Variants in NUP155 observed in about 807,000 individuals in gnomAD.
The protein encoded by NUP155 is nucleoporin 155.
In NUP155, 71 loss-of-function variants were observed where a neutral mutation model predicts 180.4. That is an observed-to-expected ratio of 0.39 (90% CI 0.33 to 0.48). NUP155 has a LOEUF of 0.48. NUP155 is among the 20% of genes least tolerant of loss of function. The pLI is 0.91. For synonymous variants in NUP155, 582 were observed against 559.5 expected (o/e 1.04, Z -0.57); for missense variants, 1,553 against 1,648.9 (o/e 0.94, Z 1.01).
chr5:37,314,698 G>C (rs546495791), intron 21 of NUP155, among the ~76,000 whole-genome samples: 2 of 152,104 alleles, frequency 1.3e-5, no homozygotes, highest in African/African-American at 2.4e-5. Context: ...TTAGCTGGTG[G>C]GGGGGATGGC....
chr5:37,318,220 G>T, intron 20 of NUP155, 135 bp from the exon 21 acceptor site: 1 of 674,960 alleles, frequency 1.5e-6, no homozygotes, highest in Non-Finnish European at 2.7e-6. Flanking sequence ...CACCAGAAGG[G>T]CTGATGGCCA....
intron 4 of NUP155, among the ~76,000 whole-genome samples, chr5:37,354,969 G>A (rs1746717926): frequency 6.6e-6 from 1 of 151,896 alleles, no homozygotes; most frequent in Admixed American, 6.6e-5. Context: ...GCGGGCGCCT[G>A]TAATCCCAGC....
chr5:37,299,459 A>T lies in NUP155; in HGVS notation c.3671T>A (p.Ile1224Asn). ...AACTGAACACTTACCTTTCTCTATG[A>T]TATCTTGCCAAAGTGTCTGCACCAA... The part of the protein sequence containing the change: ...PILVQTLWQD[I>N]IEKELSDSVT... The change falls in exon 31 of 35, where the codon ATC becomes AAC. Residue 1224 changes from isoleucine (I) to asparagine (N), a missense_variant. By Grantham distance (149) the Ile-to-Asn change is moderately radical (BLOSUM62 -3). Transcript: ENST00000231498. 1 of 1,614,054 alleles carries T rather than the reference A, an allele frequency of 6.2e-7. No homozygotes were observed. The highest frequency in any genetic ancestry group is 8.5e-7 in the Non-Finnish European group (1 of 1,179,992).
At chr5:37,319,446 A>G (rs565662115) in intron 20 of NUP155, among the ~76,000 whole-genome samples, 3 of 152,344 alleles carry the variant, frequency 2.0e-5, no homozygotes, top group South Asian at 2.1e-4. Context: ...TATTAACTCT[A>G]TTGTTAAAGG....
chr5:37,336,347 A>T (rs1224332334), intron 12 of NUP155, among the ~76,000 whole-genome samples: 1 of 151,874 alleles, frequency 6.6e-6, no homozygotes, highest in Non-Finnish European at 1.5e-5. Flanking sequence ...TGTACGTGGT[A>T]ATGCACACCT....
chr5:37,337,989 T>TA, intron 11 of NUP155, 71 bp from the exon 12 acceptor site: 4 of 990,698 alleles, frequency 4.0e-6, no homozygotes, highest in South Asian at 1.4e-5. Context: ...TAATAATTAT[T>TA]AGGTTAGTGC....
At position 37,292,020 on chromosome 5, in the gene NUP155, G is replaced by C. The variant is rs377281686; in HGVS notation, c.4056C>G (p.Leu1352=). 3 of 1,614,060 alleles carry C rather than the reference G, an allele frequency of 1.9e-6. No individual in the cohort carries two copies. Among genetic ancestry groups the C allele is most frequent in the Non-Finnish European group, 2.5e-6 (3 of 1,179,964 alleles). The change falls in exon 35 of 35, where the codon CTC becomes CTG. Residue 1352 remains leucine, a synonymous_variant. Transcript: ENST00000231498. ...LNCERRRFTN[L]CLDAVCGYLV... is the part of the protein sequence containing the mutation. Reference sequence around the variant, plus strand: ...GGTAACCACAAACAGCATCCAGGCAGAGATTTGTAAATCTTCTCCTACAAC... The same window carrying C: ...GGTAACCACAAACAGCATCCAGGCACAGATTTGTAAATCTTCTCCTACAAC...
intron 4 of NUP155, among the ~76,000 whole-genome samples, chr5:37,356,413 T>C (rs1180882137): frequency 6.6e-6 from 1 of 151,886 alleles, no homozygotes; most frequent in Non-Finnish European, 1.5e-5. Context: ...GAGACCGATG[T>C]GGGAGGATCA....
intron 33 of NUP155, 67 bp downstream of exon 33, chr5:37,294,262 C>T: frequency 9.2e-7 from 1 of 1,087,420 alleles, no homozygotes; most frequent in Non-Finnish European, 1.4e-6. Context: ...CAAAATACCC[C>T]ACTCTATATC....
chr5:37,293,666 T>C (rs187749304), intron 33 of NUP155, among the ~76,000 whole-genome samples: 3 of 152,372 alleles, frequency 2.0e-5, no homozygotes, highest in African/African-American at 4.8e-5. Flanking sequence ...GATGAGGTTA[T>C]AGTAAATAAA....
intron 11 of NUP155, 103 bp downstream of exon 11, chr5:37,340,987 T>G (rs539344907): frequency 1.0e-6 from 1 of 994,534 alleles, no homozygotes; most frequent in Admixed American, 2.1e-5. Flanking sequence ...TAGTTCCCAG[T>G]TTCTACTGTT....
intron 18 of NUP155, chr5:37,327,293 CTATTAGTAAT>C: frequency 3.0e-6 from 1 of 337,142 alleles, no homozygotes; most frequent in Non-Finnish European, 5.7e-6. Context: ...AGACAGTAGG[CTATTAGTAAT>C]TAAGAAAGTC....
chr5:37,294,639 C>A (rs1742423907), intron 32 of NUP155, among the ~76,000 whole-genome samples, 174 bp from the exon 33 acceptor site: 1 of 151,842 alleles, frequency 6.6e-6, no homozygotes, highest in African/African-American at 2.4e-5. Flanking sequence ...AGTGGCTATT[C>A]ATAGGAGCAA....
intron 22 of NUP155, among the ~76,000 whole-genome samples, chr5:37,313,822 TG>T (rs1227608330): frequency 3.3e-5 from 5 of 152,196 alleles, no homozygotes; most frequent in African/African-American, 1.2e-4. Context: ...TAATTTAGGT[TG>T]TTGGGCCCTT....
chr5:37,303,263 T>G lies in NUP155; in HGVS notation c.3314A>C (p.His1105Pro), dbSNP rs200202942. 1.2e-6 allele frequency: 2 copies of G among 1,614,058 alleles called. No individual in the cohort carries two copies. The highest frequency in any genetic ancestry group is 1.7e-6 in the Non-Finnish European group (2 of 1,179,928). ...CAATAAGAATATTATGCCATACCTATGCATGTCAGCCAGTCTGGACAGTAC... is the reference window on the plus strand; with the variant it reads ...CAATAAGAATATTATGCCATACCTAGGCATGTCAGCCAGTCTGGACAGTAC... ...ARVLSRLADMHSTEISLQQRL... is the reference protein window; with the variant it reads ...ARVLSRLADMPSTEISLQQRL... Residue 1105 changes from histidine (H) to proline (P), a missense_variant, in exon 28 of 35, where the codon CAT becomes CCT. His to Pro is a moderately conservative substitution (Grantham distance 77). Coordinates refer to ENST00000231498, the MANE Select transcript of NUP155 (RefSeq NM_153485.3).
chr5:37,343,555 G>A (rs1310429633), intron 9 of NUP155, among the ~76,000 whole-genome samples: 1 of 152,008 alleles, frequency 6.6e-6, no homozygotes, highest in Non-Finnish European at 1.5e-5. Context: ...TGGTTGGTGG[G>A]GAGCAGTGTT....
At chr5:37,315,776 A>G (rs895374124) in intron 21 of NUP155, among the ~76,000 whole-genome samples, 8 of 151,974 alleles carry the variant, frequency 5.3e-5, no homozygotes, top group African/African-American at 1.9e-4. Flanking sequence ...AACCCCAACT[A>G]TACTAAAAAT....
chr5:37,355,353 C>T (rs1037619600), intron 4 of NUP155, among the ~76,000 whole-genome samples: 1 of 151,418 alleles, frequency 6.6e-6, no homozygotes, highest in Non-Finnish European at 1.5e-5. Context: ...ACTAAAAATA[C>T]AAAAATTAGC....
rs1742151795 is a variant in NUP155, at chr5:37,289,668, C to T, written c.*2232G>A. On this transcript the variant is annotated 3_prime_UTR_variant, in exon 35 of 35. Coordinates refer to ENST00000231498, the MANE Select transcript of NUP155 (RefSeq NM_153485.3). ...TTTCTGACTCTAACAGACCATCTAA[C>T]CATGGAAGCCTACAGCCCTTTTAAA... The T allele has an allele frequency of 6.6e-6, 1 of 152,200 alleles. No individual in the cohort carries two copies. Among genetic ancestry groups the T allele is most frequent in the Admixed American group, 6.5e-5 (1 of 15,278 alleles). 9.4% of individuals were successfully genotyped at this position (152,200 alleles called of 1,614,324 possible). A position where few individuals can be genotyped will look rare whatever the true frequency, so the allele number is the denominator to read the frequency against.
Sources: gnomAD v4.1 joint callset for allele counts (sites outside exome capture counted in the v4.1 genomes callset) on GRCh38, gnomAD v4.1.1 for gene constraint, MANE v1.5 for transcripts, NCBI Gene and HGNC (gene_info 2026-07-23, HGNC 2026-07-21) for gene names.